The following TTLL11 variants were observed in gnomAD, a reference collection of about 807,000 sequenced individuals.
The protein encoded by TTLL11 is tubulin polyglutamylase TTLL11.
Under a neutral mutation model 51.7 loss-of-function variants are expected in TTLL11, and 42 were observed. The observed-to-expected ratio is 0.81, with a 90% CI of 0.64 to 1.05. The LOEUF is 1.05. TTLL11 is among the 50% of genes least tolerant of loss of function. The pLI, the probability that TTLL11 is intolerant of heterozygous loss-of-function variation, is 0.00. For missense variants in TTLL11, 799 were observed against 940.4 expected (o/e 0.85, Z 1.97); for synonymous variants, 381 against 383.5 (o/e 0.99, Z 0.08).
rs1843183595 is a variant in TTLL11 at position 121,994,053 on chromosome 9, C to A, written c.694-4283G>T. 2.0e-5 allele frequency among the ~76,000 whole-genome samples: 3 copies of A among 152,146 alleles called. No individual in the cohort carries two copies. In the South Asian group the frequency reaches 6.2e-4, roughly 32 times the overall value. ...AGGGATATGAGCCTGGTACCCAGGG[C>A]AAATTCCTACCTCAATGTTCAGGGC... On this transcript the variant is annotated intron_variant, in intron 3 of 8. Transcript: ENST00000321582.
At chr9:121,905,586 C>T (rs530889603) in intron 6 of TTLL11, among the ~76,000 whole-genome samples, 2 of 152,296 alleles carry the variant, frequency 1.3e-5, no homozygotes, top group East Asian at 3.9e-4. Flanking sequence ...CTCCTGAGCT[C>T]AGACAATCTG....
intron 6 of TTLL11, among the ~76,000 whole-genome samples, chr9:121,933,430 C>T (rs1467940881): frequency 1.3e-5 from 2 of 152,004 alleles, no homozygotes; most frequent in Admixed American, 6.6e-5. Flanking sequence ...AATGGAAAGA[C>T]GGTAGTTTGA....
At chr9:122,019,535 G>A (rs1295588528) in intron 3 of TTLL11, among the ~76,000 whole-genome samples, 1 of 152,086 alleles carries the variant, frequency 6.6e-6, no homozygotes, top group African/African-American at 2.4e-5. Flanking sequence ...CTGCAGCCTC[G>A]ACCTCCTGGG....
intron 1 of TTLL11, among the ~76,000 whole-genome samples, chr9:122,080,743 C>T (rs982638554): frequency 1.3e-5 from 2 of 151,904 alleles, no homozygotes; most frequent in African/African-American, 2.4e-5. Flanking sequence ...AGGAAGGAAG[C>T]ACATTCCTGA....
chr9:121,949,606 T>C (rs1841788089), intron 6 of TTLL11, among the ~76,000 whole-genome samples: 1 of 152,168 alleles, frequency 6.6e-6, no homozygotes, highest in South Asian at 2.1e-4. Flanking sequence ...TGCAAAAGTT[T>C]GATTCAAATC....
In TTLL11 at chr9:121,834,944, A is replaced by G. The variant is rs149505711; in HGVS notation, c.1841-12065T>C. Among the ~76,000 whole-genome samples the G allele has an allele frequency of 1.8e-3, 272 of 152,118 alleles. 1 individual carries two copies. Among genetic ancestry groups the G allele is most frequent in the African/African-American group, 6.2e-3 (257 of 41,490 alleles). The stretch of plus-strand genomic sequence containing the variant: ...CACAATAGTGGTTTCATTTTCTCCT[A>G]CTGAAGTTGGCCAATTTCTTTTCAC... On this transcript the variant is annotated intron_variant, in intron 8 of 8. Coordinates refer to ENST00000321582, the MANE Select transcript of TTLL11 (RefSeq NM_001139442.2).
intron 6 of TTLL11, among the ~76,000 whole-genome samples, chr9:121,967,256 G>T (rs1842427440): frequency 1.7e-5 from 2 of 114,456 alleles, no homozygotes; most frequent in South Asian, 3.0e-4. Flanking sequence ...GAGGAGTCTT[G>T]CTCTGTCGCC....
chr9:122,063,646 T>C (rs1845494671), intron 1 of TTLL11, among the ~76,000 whole-genome samples: 2 of 152,238 alleles, frequency 1.3e-5, no homozygotes, highest in Admixed American at 6.5e-5. Flanking sequence ...TAACTTCTTA[T>C]GGTTCCTGTT....
intron 7 of TTLL11, among the ~76,000 whole-genome samples, chr9:121,866,934 CA>C (rs1470660607): frequency 6.6e-6 from 1 of 152,148 alleles, no homozygotes; most frequent in Non-Finnish European, 1.5e-5. Flanking sequence ...CCTAATGTCA[CA>C]AAACCTGGGT....
At chr9:122,018,890 T>C (rs1391658299) in intron 3 of TTLL11, among the ~76,000 whole-genome samples, 1 of 152,204 alleles carries the variant, frequency 6.6e-6, no homozygotes, top group Non-Finnish European at 1.5e-5. Flanking sequence ...TAACTCAGTC[T>C]CCCTGTTTTA....
At chr9:121,870,037 A>T (rs1838303550) in intron 7 of TTLL11, among the ~76,000 whole-genome samples, 1 of 152,222 alleles carries the variant, frequency 6.6e-6, no homozygotes, top group African/African-American at 2.4e-5. Context: ...ATATTAGAAC[A>T]AATGTATTAA....
rs979800509 is a variant in TTLL11 at position 121,817,786 on chromosome 9, T to G, written c.*4801A>C. ...GCTCAGGTGGATCCTGGCTCTGCAC[T>G]TCACCAGCACGAGACCTCGAGACCT... On this transcript the variant is annotated 3_prime_UTR_variant, in exon 9 of 9. Coordinates refer to ENST00000321582, the MANE Select transcript of TTLL11 (RefSeq NM_001139442.2). 6.6e-6 allele frequency: 1 copy of G among 152,252 alleles called. No individual in the cohort carries two copies. Among genetic ancestry groups the G allele is most frequent in the Non-Finnish European group, 1.5e-5 (1 of 68,070 alleles). The allele number at this position is 152,252 out of a possible 1,614,324, so 9.4% of individuals were successfully genotyped here.
intron 4 of TTLL11, among the ~76,000 whole-genome samples, chr9:121,978,388 C>T (rs1842760791): frequency 6.6e-6 from 1 of 152,106 alleles, no homozygotes; most frequent in East Asian, 1.9e-4. Flanking sequence ...GAGAGGCCAA[C>T]CAGATCAGAT....
At chr9:122,002,687 C>T (rs906859592) in intron 3 of TTLL11, among the ~76,000 whole-genome samples, 1 of 152,078 alleles carries the variant, frequency 6.6e-6, no homozygotes, top group African/African-American at 2.4e-5. Context: ...TGGCTCATGC[C>T]TGTAATCCCA....
chr9:121,830,643 G>A (rs1314473465), intron 8 of TTLL11, among the ~76,000 whole-genome samples: 1 of 152,242 alleles, frequency 6.6e-6, no homozygotes, highest in Non-Finnish European at 1.5e-5. Flanking sequence ...TGCACATTAA[G>A]TCCTTTCTGA....
At chr9:121,858,930 C>T (rs776886118) in intron 8 of TTLL11, among the ~76,000 whole-genome samples, 9 of 152,216 alleles carry the variant, frequency 5.9e-5, no homozygotes, top group South Asian at 2.1e-4. Flanking sequence ...CCACTCCTCA[C>T]GACCCGGTGC....
At chr9:121,957,796 G>A (rs1842065486) in intron 6 of TTLL11, among the ~76,000 whole-genome samples, 1 of 152,218 alleles carries the variant, frequency 6.6e-6, no homozygotes, top group South Asian at 2.1e-4. Flanking sequence ...GAATGGCCAG[G>A]AACAGCCAGT....
At chr9:121,975,478 G>A (rs370590326) in intron 4 of TTLL11, among the ~76,000 whole-genome samples, 9 of 152,136 alleles carry the variant, frequency 5.9e-5, no homozygotes, top group African/African-American at 2.2e-4. Context: ...TTGGGAGGCC[G>A]AGGCAGGCAG....
At chr9:122,072,618 T>G (rs145791252) in intron 1 of TTLL11, among the ~76,000 whole-genome samples, 2,029 of 152,300 alleles carry the variant, frequency 0.013, 19 homozygotes, top group Non-Finnish European at 0.022. Context: ...CACTCCAGCC[T>G]GGACAACAGA....
Sources: gnomAD v4.1 joint callset for allele counts (sites outside exome capture counted in the v4.1 genomes callset) on GRCh38, gnomAD v4.1.1 for gene constraint, MANE v1.5 for transcripts, NCBI Gene and HGNC (gene_info 2026-07-23, HGNC 2026-07-21) for gene names.